Variants in JMJD1C observed in about 807,000 individuals in gnomAD.
The protein encoded by JMJD1C is jumonji domain containing 1C.
Under a neutral mutation model 245.3 loss-of-function variants are expected in JMJD1C, and 31 were observed. The observed-to-expected ratio is 0.13, with a 90% CI of 0.09 to 0.17. JMJD1C has a LOEUF of 0.17. JMJD1C is among the 10% of genes least tolerant of loss of function. The pLI, the probability that JMJD1C is intolerant of heterozygous loss-of-function variation, is 1.00. For synonymous variants in JMJD1C, 1,057 were observed against 1,017.4 expected (o/e 1.04, Z -0.74); for missense variants, 2,691 against 3,000.2 (o/e 0.90, Z 2.41).
rs777714010 is a variant in JMJD1C, at chr10:63,192,974, C to T, written c.6040G>A (p.Asp2014Asn). Residue 2014 changes from aspartate to asparagine, a missense_variant, in exon 16 of 26, where the codon GAT becomes AAT. Asp to Asn is a conservative substitution (Grantham distance 23, BLOSUM62 1). Around this residue, in one of 9 missense-constraint regions of JMJD1C, gnomAD observed 275 missense variants for 285.5 expected, o/e 0.96. Coordinates refer to ENST00000399262, the MANE Select transcript of JMJD1C (RefSeq NM_032776.3). ...ESQSPLHWLA[D>N]LAEQKAREEK... ...TCTCTGGCTTTTTGCTCTGCAAGAT[C>T]TGCTAACCAGTGCAGTGGTGACTGG... 4.3e-6 allele frequency: 7 copies of T among 1,614,038 alleles called. No individual in the cohort carries two copies. Among genetic ancestry groups the T allele is most frequent in the Non-Finnish European group, 5.1e-6 (6 of 1,180,000 alleles).
chr10:63,310,949 G>T (rs924825392), intron 2 of JMJD1C, among the ~76,000 whole-genome samples: 3 of 152,034 alleles, frequency 2.0e-5, no homozygotes, highest in African/African-American at 7.3e-5. Context: ...TACAAAGACT[G>T]AAAATACTAA....
intron 2 of JMJD1C, among the ~76,000 whole-genome samples, chr10:63,349,833 G>T (rs538080768): frequency 6.6e-6 from 1 of 152,152 alleles, no homozygotes; most frequent in Admixed American, 6.5e-5. Context: ...GATGAATTTT[G>T]TAATACTGTA....
chr10:63,436,254 A>G (rs1266441869), intron 1 of JMJD1C, among the ~76,000 whole-genome samples: 1 of 152,230 alleles, frequency 6.6e-6, no homozygotes, highest in African/African-American at 2.4e-5. Flanking sequence ...AACCATAAAT[A>G]TTCAGTTGAA....
intron 2 of JMJD1C, among the ~76,000 whole-genome samples, chr10:63,329,778 C>T (rs182382538): frequency 6.6e-6 from 1 of 152,330 alleles, no homozygotes. Context: ...GGGTTAGCAG[C>T]AGTAAGCCAC....
rs189464153 is a variant in JMJD1C at position 63,394,111 on chromosome 10, C to T, written c.169-13629G>A. Among the ~76,000 whole-genome samples the T allele has an allele frequency of 4.7e-5, 7 of 148,274 alleles. No homozygotes were observed. In the East Asian group the frequency reaches 8.3e-4, roughly 18 times the overall value. On this transcript the variant is annotated intron_variant, in intron 1 of 25. Coordinates refer to ENST00000399262, the MANE Select transcript of JMJD1C (RefSeq NM_032776.3). ...CTGATGAAGGACAATCGCTTGAATC[C>T]GGGAGGTAGTGGTTATAGTGAGCCG...
At chr10:63,357,029 T>C (rs1188744305) in intron 2 of JMJD1C, among the ~76,000 whole-genome samples, 2 of 152,020 alleles carry the variant, frequency 1.3e-5, no homozygotes, top group Non-Finnish European at 2.9e-5. Context: ...AATAATATAT[T>C]ACTGACATTA....
At chr10:63,447,075 GA>G (rs11397244) in intron 1 of JMJD1C, among the ~76,000 whole-genome samples, 19 of 145,440 alleles carry the variant, frequency 1.3e-4, no homozygotes, top group African/African-American at 4.3e-4. Flanking sequence ...TTATAACCAG[GA>G]AAAAAAAAAA....
At chr10:63,383,627 G>A (rs745940901) in intron 1 of JMJD1C, among the ~76,000 whole-genome samples, 1 of 152,168 alleles carries the variant, frequency 6.6e-6, no homozygotes, top group Non-Finnish European at 1.5e-5. Context: ...TTCAGCCAGG[G>A]AGGTTGAGGC....
chr10:63,496,393 T>C (rs1003212810), intron 1 of JMJD1C, among the ~76,000 whole-genome samples: 4 of 152,194 alleles, frequency 2.6e-5, no homozygotes, highest in East Asian at 1.9e-4. Context: ...TGGGGAAATA[T>C]AGAAACTACC....
intron 1 of JMJD1C, among the ~76,000 whole-genome samples, chr10:63,439,291 A>C (rs1456960984): frequency 1.3e-5 from 2 of 152,232 alleles, no homozygotes; most frequent in Admixed American, 6.5e-5. Context: ...GTTATTGTGT[A>C]ATGTTCTGTT....
intron 1 of JMJD1C, among the ~76,000 whole-genome samples, chr10:63,406,243 T>TG (rs1359617755): frequency 6.6e-6 from 1 of 152,162 alleles, no homozygotes; most frequent in Non-Finnish European, 1.5e-5. Context: ...AGACAGAGAA[T>TG]ATCTAGTCAC....
chr10:63,424,409 A>C (rs1211472781), intron 1 of JMJD1C, among the ~76,000 whole-genome samples: 1 of 152,026 alleles, frequency 6.6e-6, no homozygotes, highest in African/African-American at 2.4e-5. Flanking sequence ...TCTTCATATA[A>C]AACTATTGTT....
At chr10:63,230,254 C>A (rs1198566003) in intron 3 of JMJD1C, among the ~76,000 whole-genome samples, 1 of 152,092 alleles carries the variant, frequency 6.6e-6, no homozygotes, top group Non-Finnish European at 1.5e-5. Flanking sequence ...TGCCTGTAAT[C>A]CCAGCTACTC....
chr10:63,383,270 A>G (rs1036678661), intron 1 of JMJD1C, among the ~76,000 whole-genome samples: 9 of 152,170 alleles, frequency 5.9e-5, no homozygotes, highest in Non-Finnish European at 4.4e-5. Flanking sequence ...GATATTCATT[A>G]AAGCTTATCT....
intron 1 of JMJD1C, among the ~76,000 whole-genome samples, chr10:63,393,935 C>A (rs1948273422): frequency 6.6e-6 from 1 of 152,164 alleles, no homozygotes; most frequent in Non-Finnish European, 1.5e-5. Flanking sequence ...AATCCCAGCA[C>A]TTTCAGAGGC....
At chr10:63,519,028 A>G (rs7358191) in intron 1 of JMJD1C, among the ~76,000 whole-genome samples, 1 of 152,078 alleles carries the variant, frequency 6.6e-6, no homozygotes, top group Non-Finnish European at 1.5e-5. Flanking sequence ...TAAACGCTAT[A>G]TGGCTTTTTA....
intron 1 of JMJD1C, among the ~76,000 whole-genome samples, chr10:63,485,204 T>C (rs933397161): frequency 6.6e-6 from 1 of 152,126 alleles, no homozygotes; most frequent in Non-Finnish European, 1.5e-5. Flanking sequence ...TGCTAAGTGT[T>C]CATTGCTTTT....
chr10:63,507,217 A>G (rs1162850022), intron 1 of JMJD1C, among the ~76,000 whole-genome samples: 3 of 152,240 alleles, frequency 2.0e-5, no homozygotes. Context: ...TACAGCTGCT[A>G]TAAACATTTG....
intron 2 of JMJD1C, chr10:63,268,658 C>T (rs1855921652): frequency 2.1e-6 from 2 of 960,732 alleles, no homozygotes; most frequent in Non-Finnish European, 2.5e-6. Context: ...AAATACAAAC[C>T]GTACTTTGTT....
Sources: allele counts gnomAD v4.1 joint callset (sites outside exome capture counted in the v4.1 genomes callset), GRCh38; gene constraint gnomAD v4.1.1; regional missense constraint gnomAD v4.1.1; transcripts MANE v1.5; gene names NCBI Gene and HGNC (gene_info 2026-07-23, HGNC 2026-07-21).